The following AGBL5 variants were observed in gnomAD, a reference collection of about 807,000 sequenced individuals.
AGBL5 encodes cytosolic carboxypeptidase-like protein 5.
Under a neutral mutation model 88.0 loss-of-function variants are expected in AGBL5, and 51 were observed. The ratio of observed to expected loss-of-function variants is 0.58; its 90% confidence interval spans 0.46 to 0.73. The LOEUF (loss-of-function observed/expected upper bound fraction) is 0.73. AGBL5 is among the 30% of genes least tolerant of loss of function. The pLI is 0.00. For missense variants in AGBL5, 1,031 were observed against 1,162.2 expected (o/e 0.89, Z 1.64); for synonymous variants, 446 against 438.8 (o/e 1.02, Z -0.21).
At chr2:27,069,318 G>C (rs1669153677) in intron 13 of AGBL5, 1 of 985,262 alleles carries the variant, frequency 1.0e-6, no homozygotes, top group African/African-American at 1.7e-5. Flanking sequence ...CCTTAGTCAT[G>C]GTGTAGCCAT....
At chr2:27,054,961 C>T (rs977035353) in intron 5 of AGBL5, 114 bp from the exon 6 acceptor site, 1 of 1,488,124 alleles carries the variant, frequency 6.7e-7, no homozygotes, top group Non-Finnish European at 9.2e-7. Flanking sequence ...CTTGCAGATT[C>T]AGCCAGCTGG....
chr2:27,054,532 T>G (rs1668331229), intron 4 of AGBL5, 98 bp from the exon 5 acceptor site: 1 of 1,220,930 alleles, frequency 8.2e-7, no homozygotes, highest in Non-Finnish European at 1.2e-6. Context: ...AAGGTTAGGG[T>G]GAAGGACCAG....
intron 11 of AGBL5, among the ~76,000 whole-genome samples, chr2:27,064,247 G>A (rs1327976785): frequency 1.3e-4 from 2 of 14,846 alleles, no homozygotes; most frequent in Non-Finnish European, 4.0e-3. Context: ...TATCCTATTG[G>A]CAACCTGTGC....
Position 27,055,937 on chromosome 2 carries a change from C to G in AGBL5, c.1164C>G (p.Ala388=). The change falls in exon 7 of 15, where the codon GCC becomes GCG. Residue 388 remains alanine, a synonymous_variant. Coordinates refer to ENST00000360131, the MANE Select transcript of AGBL5 (RefSeq NM_021831.6). The part of the protein sequence containing the change: ...GHSADRHNAE[A]WKQTEPAEQK... The stretch of plus-strand genomic sequence containing the variant: ...CAGCTGACAGGCATAACGCTGAAGC[C>G]TGGAAACAAACAGAGCCAGCAGAAC... 1 of 1,614,202 alleles carries G rather than the reference C, an allele frequency of 6.2e-7. No individual in the cohort carries two copies. Among genetic ancestry groups the G allele is most frequent in the South Asian group, 1.1e-5 (1 of 91,080 alleles).
chr2:27,067,892 T>C, intron 12 of AGBL5: 1 of 560,552 alleles, frequency 1.8e-6, no homozygotes, highest in Non-Finnish European at 3.3e-6. Context: ...TCTCATTTTA[T>C]CAGTTGAGGA....
chr2:27,068,812 G>A, intron 13 of AGBL5, 68 bp downstream of exon 13: 3 of 1,591,140 alleles, frequency 1.9e-6, no homozygotes, highest in Admixed American at 3.6e-5. Flanking sequence ...CCTCTGGGTA[G>A]TGGGAGGGAA....
Position 27,057,399 on chromosome 2 carries a change from G to A in AGBL5, c.1632G>A (p.Pro544=), listed in dbSNP as rs771320248. The A allele has an allele frequency of 7.4e-6, 12 of 1,613,520 alleles. No homozygotes were observed. Among genetic ancestry groups the A allele is most frequent in the South Asian group, 4.4e-5 (4 of 90,982 alleles). Reference sequence around the variant, plus strand: ...GGCGTGCCAGCCCCCCTCCCCCGCCGGCTTTCCCCTCCAGATACACTGTGG... The same window carrying A: ...GGCGTGCCAGCCCCCCTCCCCCGCCAGCTTTCCCCTCCAGATACACTGTGG... ...DNGRASPPPP[P]AFPSRYTVEL... is the part of the protein sequence containing the mutation. Residue 544 remains proline, a synonymous_variant, in exon 9 of 15, where the codon CCG becomes CCA. Transcript: ENST00000360131.
At chr2:27,057,143 A>G in intron 8 of AGBL5, 160 bp from the exon 9 acceptor site, 2 of 742,688 alleles carry the variant, frequency 2.7e-6, no homozygotes, top group Admixed American at 3.0e-5. Context: ...TATATGGTAC[A>G]GTACCAAGGT....
chr2:27,057,041 G>A, intron 8 of AGBL5: 1 of 549,098 alleles, frequency 1.8e-6, no homozygotes, highest in Non-Finnish European at 3.1e-6. Context: ...TGTTTGAGAG[G>A]GAGGGAACCA....
At chr2:27,051,502 A>G (rs1668140025), upstream of AGBL5, 1 of 152,286 alleles carries the variant, frequency 6.6e-6, no homozygotes, top group Non-Finnish European at 1.5e-5. Context: ...AGACGCTGCT[A>G]GAACCCTCCG....
chr2:27,053,382 T>C lies in AGBL5; in HGVS notation c.216-20T>C. 6.2e-7 allele frequency: 1 copy of C among 1,611,852 alleles called. No individual in the cohort carries two copies. Among genetic ancestry groups the C allele is most frequent in the Non-Finnish European group, 8.5e-7 (1 of 1,178,788 alleles). On this transcript the variant is annotated intron_variant, in intron 2 of 14. Coordinates refer to ENST00000360131, the MANE Select transcript of AGBL5 (RefSeq NM_021831.6). The surrounding 1 kb of genome is among the most constrained non-coding windows in gnomAD (Gnocchi z 4.9). Reference sequence around the variant, plus strand: ...CAACCCTTCCACACGTAATGACCTCTCTCTTACTCTGGTCCTCAGGTCATG... The same window carrying C: ...CAACCCTTCCACACGTAATGACCTCCCTCTTACTCTGGTCCTCAGGTCATG...
In AGBL5 at chr2:27,055,859, T is replaced by G. The variant is rs768297587; in HGVS notation, c.1086T>G (p.Val362=). 6.2e-7 allele frequency: 1 copy of G among 1,614,218 alleles called. No homozygotes were observed. The highest frequency in any genetic ancestry group is 8.5e-7 in the Non-Finnish European group (1 of 1,180,026). Residue 362 remains valine, a synonymous_variant, in exon 7 of 15, where the codon GTT becomes GTG. Transcript: ENST00000360131. ...PSSCLPPDAP[V]SDLEKANNLQ... ...CCTGTCTCCCTCCTGATGCTCCTGT[T>G]TCTGACCTGGAGAAAGCCAACAATC...
chr2:27,050,404 C>G (rs1016683300), upstream of AGBL5: 1 of 152,338 alleles, frequency 6.6e-6, no homozygotes, highest in Non-Finnish European at 1.5e-5. Flanking sequence ...CCCATCGGCT[C>G]TCGAGCAGGG....
chr2:27,062,255 C>T (rs1668751474), intron 11 of AGBL5, among the ~76,000 whole-genome samples: 1 of 151,390 alleles, frequency 6.6e-6, no homozygotes, highest in Non-Finnish European at 1.5e-5. Flanking sequence ...TCCCAATTAG[C>T]TGGGATTACA....
intron 9 of AGBL5, 32 bp downstream of exon 9, chr2:27,057,470 A>G: frequency 6.4e-7 from 1 of 1,569,006 alleles, no homozygotes; most frequent in Non-Finnish European, 8.7e-7. Flanking sequence ...GGGAAAAGGG[A>G]GAAACCTTAC....
Position 27,053,876 on chromosome 2 carries a change from C to A in AGBL5, c.388-20C>A, listed in dbSNP as rs1249842473. Reference sequence around the variant, plus strand: ...TGACAATGGCATGTTGCCCCTCCCTCTTCCTCCTCTGCTCTTCAGATGACA... The same window carrying A: ...TGACAATGGCATGTTGCCCCTCCCTATTCCTCCTCTGCTCTTCAGATGACA... On this transcript the variant is annotated intron_variant, in intron 3 of 14. Transcript: ENST00000360131. This position sits in a 1 kb window ranked among gnomAD's most constrained non-coding sequence, Gnocchi z 4.9. The A allele has an allele frequency of 6.2e-7, 1 of 1,603,086 alleles. No individual in the cohort carries two copies. The highest frequency in any genetic ancestry group is 2.2e-5 in the East Asian group (1 of 44,678).
chr2:27,050,584 C>T (rs1005217097), upstream of AGBL5, among the ~76,000 whole-genome samples: 1 of 152,236 alleles, frequency 6.6e-6, no homozygotes, highest in Non-Finnish European at 1.5e-5. Context: ...GCCGGTGTGG[C>T]CTCCGTTCTG....
At chr2:27,068,256 T>C (rs1669094964) in intron 12 of AGBL5, among the ~76,000 whole-genome samples, 1 of 152,180 alleles carries the variant, frequency 6.6e-6, no homozygotes, top group Admixed American at 6.5e-5. Flanking sequence ...GCTAAACATA[T>C]GATTGCGGCA....
In AGBL5 at chr2:27,055,074, G is replaced by A. The variant is rs1355957743; in HGVS notation, c.730-1G>A. The A allele has an allele frequency of 6.2e-7, 1 of 1,613,666 alleles. No homozygotes were observed. On this transcript the variant is annotated splice_acceptor_variant, in intron 5 of 14. Coordinates refer to ENST00000360131, the MANE Select transcript of AGBL5 (RefSeq NM_021831.6). LOFTEE classifies it high-confidence loss of function. ...AATGTCTGCTCTCCTCTCTACCTCA[G>A]ATATTCTTCTTAAGCAGTAGAGTAC...
Sources: gnomAD v4.1 joint callset for allele counts (sites outside exome capture counted in the v4.1 genomes callset) on GRCh38, gnomAD v4.1.1 for gene constraint, Gnocchi (gnomAD v3.1) non-coding constraint, MANE v1.5 for transcripts, NCBI Gene and HGNC (gene_info 2026-07-23, HGNC 2026-07-21) for gene names.